Variants in TNNI3K observed in about 807,000 individuals in gnomAD.
The protein encoded by TNNI3K is serine/threonine-protein kinase TNNI3K.
Under a neutral mutation model 114.5 loss-of-function variants are expected in TNNI3K, and 140 were observed. The observed-to-expected ratio is 1.22, with a 90% confidence interval of 1.07 to 1.41. TNNI3K has a LOEUF of 1.41. Among genes scored for constraint, TNNI3K ranks in the 40% most tolerant of loss-of-function variants. TNNI3K has a pLI of 0.00. For synonymous variants in TNNI3K, 347 were observed against 347.5 expected (o/e 1.00, Z 0.02); for missense variants, 1,125 against 1,007.6 (o/e 1.12, Z -1.58).
chr1:74,439,677 A>G (rs550179069), intron 20 of TNNI3K, 55 bp downstream of exon 20: 71 of 1,592,028 alleles, frequency 4.5e-5, no homozygotes, highest in African/African-American at 3.0e-4. Flanking sequence ...CTGGATTTTT[A>G]TAACTTCAAG....
intron 17 of TNNI3K, chr1:74,402,059 T>A (rs1664391081): frequency 5.0e-6 from 1 of 199,540 alleles, no homozygotes; most frequent in African/African-American, 2.4e-5. Flanking sequence ...CCTTTAGAGT[T>A]TTTTAGTTTA....
At chr1:74,480,230 A>C in intron 21 of TNNI3K, 1 of 717,526 alleles carries the variant, frequency 1.4e-6, no homozygotes, top group South Asian at 1.5e-5. Flanking sequence ...AACCAGAGTG[A>C]AGTTGGGAGC....
intron 5 of TNNI3K, among the ~76,000 whole-genome samples, chr1:74,312,993 T>C (rs1278614322): frequency 2.6e-5 from 4 of 152,166 alleles, no homozygotes; most frequent in Non-Finnish European, 5.9e-5. Context: ...AATCTGTACC[T>C]AGGCAGACAG....
At chr1:74,309,827 C>T (rs183316644) in intron 5 of TNNI3K, among the ~76,000 whole-genome samples, 46 of 152,252 alleles carry the variant, frequency 3.0e-4, no homozygotes, top group African/African-American at 1.1e-3. Context: ...TAAGAGCCAT[C>T]TATGACAAAC....
chr1:74,242,994 C>T (rs1654340400), intron 2 of TNNI3K, among the ~76,000 whole-genome samples: 1 of 152,046 alleles, frequency 6.6e-6, no homozygotes, highest in African/African-American at 2.4e-5. Context: ...TCTTTCCTAT[C>T]CCTGTTTTGA....
chr1:74,513,983 A>G (rs1156808125), intron 23 of TNNI3K, among the ~76,000 whole-genome samples: 1 of 152,228 alleles, frequency 6.6e-6, no homozygotes, highest in Non-Finnish European at 1.5e-5. Flanking sequence ...AAGTAAAGTT[A>G]TCTTTGGTTG....
At chr1:74,243,372 G>C (rs1244086695) in intron 2 of TNNI3K, among the ~76,000 whole-genome samples, 3 of 152,136 alleles carry the variant, frequency 2.0e-5, no homozygotes, top group African/African-American at 7.2e-5. Context: ...GCAATGAATA[G>C]GCAAGAAGTT....
At chr1:74,418,195 T>C in intron 17 of TNNI3K, 1 of 453,770 alleles carries the variant, frequency 2.2e-6, no homozygotes, top group South Asian at 1.6e-5. Context: ...ATGTGATTGC[T>C]AGAGCTCAAG....
At chr1:74,301,517 G>A (rs1165840433) in intron 5 of TNNI3K, among the ~76,000 whole-genome samples, 3 of 113,068 alleles carry the variant, frequency 2.7e-5, no homozygotes, top group Admixed American at 1.0e-4. Flanking sequence ...TACATGGAGA[G>A]TAGGAATAAC....
chr1:74,420,211 A>G (rs950589046), intron 17 of TNNI3K, among the ~76,000 whole-genome samples: 6 of 152,160 alleles, frequency 3.9e-5, no homozygotes, highest in East Asian at 1.9e-4. Context: ...AAGTTCTCCT[A>G]TATTTGGAGG....
chr1:74,329,745 T>G (rs1660099274), intron 5 of TNNI3K, among the ~76,000 whole-genome samples: 1 of 152,072 alleles, frequency 6.6e-6, no homozygotes, highest in Non-Finnish European at 1.5e-5. Flanking sequence ...CTCTATGACC[T>G]GGAAAAATTT....
At position 74,543,166 on chromosome 1, in the gene TNNI3K, T is replaced by G. The variant is rs45509003; in HGVS notation, c.2432-740T>G. ...CTCGGCTCACTGCAACCTCTGCTTC[T>G]CGGGTTCAAGTGATTCTCCTGCCTC... On this transcript the variant is annotated intron_variant, in intron 24 of 24. Transcript: ENST00000326637. Among the ~76,000 whole-genome samples the G allele has an allele frequency of 8.5e-3, 1,212 of 142,032 alleles. 28 individuals are homozygous for G. The highest frequency in any genetic ancestry group is 0.03 in the African/African-American group (1,170 of 39,410). 93.2% of individuals were successfully genotyped at this position (142,032 alleles called of 152,430 possible). A position where few individuals can be genotyped will look rare whatever the true frequency, so the allele number is the denominator to read the frequency against.
At chr1:74,342,264 T>G (rs1373433816) in intron 7 of TNNI3K, among the ~76,000 whole-genome samples, 1 of 152,200 alleles carries the variant, frequency 6.6e-6, no homozygotes, top group African/African-American at 2.4e-5. Flanking sequence ...AAATAACCTG[T>G]CTAAAGTAAA....
At chr1:74,420,831 C>A (rs1665358684) in intron 17 of TNNI3K, among the ~76,000 whole-genome samples, 1 of 152,088 alleles carries the variant, frequency 6.6e-6, no homozygotes, top group African/African-American at 2.4e-5. Flanking sequence ...AATTTACATG[C>A]CACCTTAGAT....
chr1:74,414,862 A>T (rs1224253441), intron 17 of TNNI3K, among the ~76,000 whole-genome samples: 4 of 152,148 alleles, frequency 2.6e-5, no homozygotes, highest in Admixed American at 2.6e-4. Flanking sequence ...CTCTGTTTCT[A>T]TTCTGGCTCC....
At chr1:74,382,922 G>A (rs1197058057) in intron 17 of TNNI3K, among the ~76,000 whole-genome samples, 3 of 152,098 alleles carry the variant, frequency 2.0e-5, no homozygotes, top group African/African-American at 7.2e-5. Flanking sequence ...GATCTTGAGT[G>A]ACCTCTTTCT....
intron 4 of TNNI3K, among the ~76,000 whole-genome samples, chr1:74,265,292 A>T (rs978576995): frequency 7.2e-5 from 11 of 152,062 alleles, no homozygotes; most frequent in Non-Finnish European, 1.0e-4. Context: ...TCAGATCCCA[A>T]TACAGAGCTG....
At chr1:74,370,230 C>A in intron 16 of TNNI3K, 58 bp from the exon 17 acceptor site, 1 of 1,450,788 alleles carries the variant, frequency 6.9e-7, no homozygotes, top group Non-Finnish European at 9.3e-7. Flanking sequence ...ACATCATTTG[C>A]TTTTTTGATA....
intron 17 of TNNI3K, chr1:74,372,697 A>G (rs1662678594): frequency 6.6e-6 from 1 of 151,842 alleles, no homozygotes; most frequent in African/African-American, 2.4e-5. Flanking sequence ...CAAATGAGTA[A>G]TCATTGCAAT....
Sources: allele counts gnomAD v4.1 joint callset (sites outside exome capture counted in the v4.1 genomes callset), GRCh38; gene constraint gnomAD v4.1.1; transcripts MANE v1.5; gene names NCBI Gene and HGNC (gene_info 2026-07-23, HGNC 2026-07-21).